The following LSP1 variants were observed in gnomAD, a reference collection of about 807,000 sequenced individuals.
LSP1 encodes lymphocyte-specific protein 1.
LSP1 carries 32 observed loss-of-function variants against 49.3 expected under a neutral mutation model. The observed-to-expected ratio is 0.65, with a 90% CI of 0.49 to 0.87. LSP1 has a LOEUF of 0.87. Among genes scored for constraint, LSP1 ranks in the 40% least tolerant of loss-of-function variants. The pLI is 0.00. For synonymous variants in LSP1, 179 were observed against 178.8 expected (o/e 1.00, Z -0.01); for missense variants, 428 against 442.6 (o/e 0.97, Z 0.30).
chr11:1,882,171 G>A (rs926578430), intron 3 of LSP1, among the ~76,000 whole-genome samples: 10 of 152,144 alleles, frequency 6.6e-5, no homozygotes, highest in Admixed American at 2.6e-4. Context: ...GGCTGCTCCC[G>A]AGCCCCACTT....
intron 10 of LSP1, chr11:1,891,296 T>G (rs1848991841): frequency 6.6e-6 from 1 of 152,214 alleles, no homozygotes; most frequent in Admixed American, 6.5e-5. Flanking sequence ...AAATGGCATC[T>G]GTCCGAGCCA....
At chr11:1,872,645 T>G in intron 1 of LSP1, among the ~76,000 whole-genome samples, 4 of 128,368 alleles carry the variant, frequency 3.1e-5, no homozygotes, top group Non-Finnish European at 4.9e-5. Flanking sequence ...AGAGTTGGGG[T>G]CTGTCTGGCT....
chr11:1,877,080 G>A (rs895808607), intron 1 of LSP1, among the ~76,000 whole-genome samples: 6 of 152,222 alleles, frequency 3.9e-5, no homozygotes, highest in Non-Finnish European at 7.4e-5. Flanking sequence ...CCAGGGCCAC[G>A]GGCGGGGTCG....
chr11:1,871,032 A>G lies in LSP1; in HGVS notation c.54-9055A>G, dbSNP rs1262132810. 6.1e-6 allele frequency: 6 copies of G among 985,462 alleles called. No individual in the cohort carries two copies. The African/African-American group carries it at 8.7e-5, about 14-fold the overall frequency. 61.0% of individuals were successfully genotyped at this position (985,462 alleles called of 1,614,324 possible). A position where few individuals can be genotyped will look rare whatever the true frequency, so the allele number is the denominator to read the frequency against. On this transcript the variant is annotated intron_variant, in intron 1 of 10. Transcript: ENST00000311604. ...GGAAGCAGGCACCGAGTGGGGCTGC[A>G]TGTAGACGCATGCGAGGGTGAGAGC...
At chr11:1,870,424 C>G (rs1847949726) in intron 1 of LSP1, 1 of 1,216,274 alleles carries the variant, frequency 8.2e-7, no homozygotes, top group African/African-American at 1.6e-5. Flanking sequence ...CCCTGCACCC[C>G]CAGGGATGAT....
At chr11:1,858,996 C>T (rs1326498054) in intron 1 of LSP1, among the ~76,000 whole-genome samples, 2 of 152,160 alleles carry the variant, frequency 1.3e-5, no homozygotes, top group African/African-American at 2.4e-5. Flanking sequence ...TGTGGGTTGT[C>T]GGGGAAGGGA....
chr11:1,854,419 C>A (rs1462882648), intron 1 of LSP1, among the ~76,000 whole-genome samples: 1 of 152,202 alleles, frequency 6.6e-6, no homozygotes, highest in Non-Finnish European at 1.5e-5. Context: ...CACCTCCCGG[C>A]CTTCACACAA....
chr11:1,866,447 C>G (rs1847791239), intron 1 of LSP1: 1 of 1,454,784 alleles, frequency 6.9e-7, no homozygotes, highest in Non-Finnish European at 9.1e-7. Flanking sequence ...CCAGCTCCCA[C>G]TTGTTGGGTC....
At chr11:1,886,482 A>G (rs898259671) in intron 7 of LSP1, among the ~76,000 whole-genome samples, 3 of 152,222 alleles carry the variant, frequency 2.0e-5, no homozygotes, top group Non-Finnish European at 2.9e-5. Flanking sequence ...CATGAGGAGC[A>G]TGGAGGCAGA....
At chr11:1,881,374 G>C in intron 2 of LSP1, 58 bp from the exon 3 acceptor site, 1 of 1,491,278 alleles carries the variant, frequency 6.7e-7, no homozygotes, top group South Asian at 1.3e-5. Flanking sequence ...GTGAGTGTGG[G>C]CCCTGGGCAG....
At chr11:1,863,913 G>A (rs555102866) in intron 1 of LSP1, among the ~76,000 whole-genome samples, 149 of 152,262 alleles carry the variant, frequency 9.8e-4, no homozygotes, top group African/African-American at 3.2e-3. Context: ...GGGGGGTTGG[G>A]CCCACCAGGA....
chr11:1,878,070 C>T (rs371035196), intron 1 of LSP1, among the ~76,000 whole-genome samples: 7 of 151,988 alleles, frequency 4.6e-5, no homozygotes, highest in Non-Finnish European at 8.8e-5. Context: ...AGCCCAGGTC[C>T]AAGGAGGAGC....
chr11:1,856,130 G>A (rs1268394200), intron 1 of LSP1, among the ~76,000 whole-genome samples: 3 of 150,706 alleles, frequency 2.0e-5, no homozygotes, highest in Non-Finnish European at 4.4e-5. Context: ...TCTGCCTGCC[G>A]CCACCCTGTC....
At chr11:1,866,732 C>A in intron 1 of LSP1, 2 of 1,550,538 alleles carry the variant, frequency 1.3e-6, no homozygotes, top group Non-Finnish European at 1.7e-6. Context: ...TTGAGGAGTG[C>A]CTGGGGTCAA....
At chr11:1,874,709 AC>A (rs1438030114) in intron 1 of LSP1, among the ~76,000 whole-genome samples, 1 of 152,124 alleles carries the variant, frequency 6.6e-6, no homozygotes, top group African/African-American at 2.4e-5. Context: ...AGGCCACTGA[AC>A]CCTGGGTAGT....
At chr11:1,873,010 G>C (rs551382624) in intron 1 of LSP1, among the ~76,000 whole-genome samples, 9 of 152,126 alleles carry the variant, frequency 5.9e-5, no homozygotes, top group African/African-American at 2.2e-4. Context: ...TTCGGATTGG[G>C]TGGGTAAGGA....
chr11:1,856,208 A>G (rs869227), intron 1 of LSP1, among the ~76,000 whole-genome samples: 53,131 of 151,950 alleles, frequency 0.35, 9,565 homozygotes, highest in East Asian at 0.53. Flanking sequence ...GGATGACCCT[A>G]CCCCCAGTCT....
In LSP1 at chr11:1,889,605, C is replaced by G. The variant is rs1036821839; in HGVS notation, c.*13+2029C>G. 8 of 615,830 alleles carry G rather than the reference C, an allele frequency of 1.3e-5. No individual in the cohort carries two copies. The African/African-American group carries it at 1.3e-4, about 10-fold the overall frequency. The allele number at this position is 615,830 out of a possible 1,614,324, so 38.1% of individuals were successfully genotyped here. On this transcript the variant is annotated intron_variant, in intron 10 of 10. Coordinates refer to ENST00000311604, the MANE Select transcript of LSP1 (RefSeq NM_002339.3). ...CTTGGGTGCAACTTTGGGGACAGGG[C>G]ATGGGTGAGGGCCTGATGGTGGGGT...
intron 1 of LSP1, among the ~76,000 whole-genome samples, chr11:1,878,276 C>T (rs1414115460): frequency 3.9e-5 from 6 of 152,048 alleles, no homozygotes; most frequent in Admixed American, 6.5e-5. Flanking sequence ...TGAGTGAGCA[C>T]GAGGGCCCCT....
Sources: allele counts gnomAD v4.1 joint callset (sites outside exome capture counted in the v4.1 genomes callset), GRCh38; gene constraint gnomAD v4.1.1; transcripts MANE v1.5; gene names NCBI Gene and HGNC (gene_info 2026-07-23, HGNC 2026-07-21).